MPP7: variants seen among roughly 807,000 people sequenced by gnomAD.
MPP7 encodes MAGUK p55 subfamily member 7.
In MPP7, 60 loss-of-function variants were observed where a neutral mutation model predicts 76.5. The ratio of observed to expected loss-of-function variants is 0.78; its 90% CI spans 0.64 to 0.97. The LOEUF is 0.97. Ranked by LOEUF, MPP7 falls within the 50% of genes least tolerant of loss-of-function variation. The probability of loss-of-function intolerance (pLI) is 0.00; values close to 1 mark genes in which losing one functional copy is unlikely to be tolerated. For missense variants in MPP7, 641 were observed against 694.0 expected, an observed-to-expected ratio of 0.92 and a Z score of 0.86; for synonymous variants, 237 against 244.5, an observed-to-expected ratio of 0.97 and a Z score of 0.29.
chr10:28,210,301 T>C (rs1372934842), intron 2 of MPP7, among the ~76,000 whole-genome samples: 1 of 152,330 alleles, frequency 6.6e-6, no homozygotes, highest in East Asian at 1.9e-4. Context: ...CAGTTTTTAC[T>C]ACAATGCCAA....
rs533174293 is a variant in MPP7 at position 28,245,393 on chromosome 10, T to C, written c.-131-6658A>G. Among the ~76,000 whole-genome samples, 12 of 152,266 alleles carry C rather than the reference T, an allele frequency of 7.9e-5. No homozygotes were observed. The South Asian group carries it at 2.5e-3, about 32-fold the overall frequency. On this transcript the variant is annotated intron_variant, in intron 1 of 16. Transcript: ENST00000683449. ...CTTGAGAATGGAACCCATATCATCA[T>C]ATGTCCCTAAAAACTGAATAATGAT... is the stretch of plus-strand genomic sequence containing the variant.
At chr10:28,166,848 C>T (rs1836481936) in intron 3 of MPP7, among the ~76,000 whole-genome samples, 1 of 152,078 alleles carries the variant, frequency 6.6e-6, no homozygotes, top group Non-Finnish European at 1.5e-5. Flanking sequence ...TTGCTTTTTT[C>T]CCCCTTCAAC....
intron 1 of MPP7, among the ~76,000 whole-genome samples, chr10:28,262,244 C>CATAT (rs1209809486): frequency 5.5e-5 from 2 of 36,400 alleles, no homozygotes; most frequent in African/African-American, 3.9e-4. Flanking sequence ...TATATATATA[C>CATAT]ATATATATAT....
At chr10:28,192,182 T>C (rs1246810933) in intron 3 of MPP7, among the ~76,000 whole-genome samples, 18 of 151,924 alleles carry the variant, frequency 1.2e-4, no homozygotes, top group Admixed American at 1.2e-3. Flanking sequence ...ATGTATAAAA[T>C]ACCTACAGCT....
chr10:28,057,588 G>A (rs1391893748), intron 15 of MPP7: 3 of 379,852 alleles, frequency 7.9e-6, no homozygotes, highest in African/African-American at 2.6e-5. Context: ...CTGCAGAGCA[G>A]TGAGCCAATT....
chr10:28,170,494 G>T (rs1327721071), intron 3 of MPP7, among the ~76,000 whole-genome samples: 2 of 151,512 alleles, frequency 1.3e-5, no homozygotes, highest in Non-Finnish European at 2.9e-5. Flanking sequence ...TATCATCGCT[G>T]CCTGGATCCC....
At chr10:28,145,251 A>G (rs1433886672) in intron 5 of MPP7, among the ~76,000 whole-genome samples, 1 of 152,198 alleles carries the variant, frequency 6.6e-6, no homozygotes, top group Non-Finnish European at 1.5e-5. Flanking sequence ...CTTTGAAGAT[A>G]TATTTCAACT....
chr10:28,261,101 T>C (rs11006965), intron 1 of MPP7, among the ~76,000 whole-genome samples: 30,614 of 152,086 alleles, frequency 0.2, 3,575 homozygotes, highest in East Asian at 0.54. Context: ...CTAAGAAAAA[T>C]TGCTCTTTAT....
At chr10:28,082,382 TCCTTCTTCTTCC>T (rs1021851465) in intron 12 of MPP7, among the ~76,000 whole-genome samples, 1 of 151,784 alleles carries the variant, frequency 6.6e-6, no homozygotes, top group Non-Finnish European at 1.5e-5. Context: ...CTCCTCCTCT[TCCTTCTTCTTCC>T]CCTTCTTCTC....
At chr10:28,133,689 G>A (rs566298559) in intron 5 of MPP7, among the ~76,000 whole-genome samples, 19 of 151,946 alleles carry the variant, frequency 1.3e-4, no homozygotes, top group African/African-American at 2.9e-4. Context: ...TAAACACCCC[G>A]AAAACAAGAA....
intron 8 of MPP7, among the ~76,000 whole-genome samples, chr10:28,123,583 C>T (rs1191209760): frequency 6.6e-6 from 1 of 151,266 alleles, no homozygotes; most frequent in Non-Finnish European, 1.5e-5. Context: ...ATTCTCCTGC[C>T]TCAGCCTCCC....
chr10:28,265,987 A>T (rs762924415), intron 1 of MPP7, among the ~76,000 whole-genome samples: 1 of 152,052 alleles, frequency 6.6e-6, no homozygotes, highest in African/African-American at 2.4e-5. Flanking sequence ...TTTGTTTTGG[A>T]GACAGGGTCT....
intron 11 of MPP7, among the ~76,000 whole-genome samples, chr10:28,111,404 T>C (rs573261521): frequency 1.3e-5 from 2 of 152,300 alleles, no homozygotes; most frequent in Non-Finnish European, 2.9e-5. Context: ...AGTCCTTACA[T>C]AGCTTATTAA....
intron 12 of MPP7, among the ~76,000 whole-genome samples, chr10:28,086,659 G>T (rs1030776421): frequency 6.6e-6 from 1 of 152,130 alleles, no homozygotes; most frequent in Non-Finnish European, 1.5e-5. Context: ...TTGTCCTGAC[G>T]ACCGTTTCAA....
chr10:28,065,509 T>C (rs76634817), intron 13 of MPP7, among the ~76,000 whole-genome samples: 2 of 152,176 alleles, frequency 1.3e-5, no homozygotes, highest in African/African-American at 4.8e-5. Context: ...GAAATTCTTA[T>C]GTGAAGGAGA....
At chr10:28,327,557 T>C (rs1417529084) in intron 2 of MPP7, among the ~76,000 whole-genome samples, 3 of 152,188 alleles carry the variant, frequency 2.0e-5, no homozygotes, top group African/African-American at 7.2e-5. Flanking sequence ...GACCCAAATA[T>C]ATGGATTTAT....
intron 2 of MPP7, among the ~76,000 whole-genome samples, chr10:28,230,480 T>C (rs958847692): frequency 2.0e-5 from 3 of 152,106 alleles, no homozygotes; most frequent in African/African-American, 7.2e-5. Context: ...ATAAAATTTA[T>C]TTAAAAGGCT....
At chr10:28,267,543 A>G (rs1408506360) in intron 1 of MPP7, among the ~76,000 whole-genome samples, 1 of 152,208 alleles carries the variant, frequency 6.6e-6, no homozygotes, top group African/African-American at 2.4e-5. Flanking sequence ...ATGATGCTCA[A>G]AGGAAATGGT....
intron 1 of MPP7, among the ~76,000 whole-genome samples, chr10:28,267,962 G>A (rs989956148): frequency 6.6e-6 from 1 of 152,078 alleles, no homozygotes; most frequent in African/African-American, 2.4e-5. Flanking sequence ...CTGGGACGTG[G>A]GAAGTCGAGG....
Sources: allele counts gnomAD v4.1 joint callset (sites outside exome capture counted in the v4.1 genomes callset), GRCh38; gene constraint gnomAD v4.1.1; transcripts MANE v1.5; gene names NCBI Gene and HGNC (gene_info 2026-07-23, HGNC 2026-07-21).